KANSL1: variants seen among roughly 807,000 people sequenced by gnomAD.
The protein encoded by KANSL1 is MLL1/MLL complex subunit KANSL1.
In KANSL1, 22 loss-of-function variants were observed where a neutral mutation model predicts 103.6. The ratio of observed to expected loss-of-function variants is 0.21; its 90% CI spans 0.15 to 0.30. The LOEUF is 0.30. Ranked by LOEUF, KANSL1 falls within the 10% of genes least tolerant of loss-of-function variation. The pLI, the probability that KANSL1 is intolerant of heterozygous loss-of-function variation, is 1.00. For missense variants in KANSL1, 1,337 were observed against 1,399.8 expected (o/e 0.96, Z 0.72); for synonymous variants, 600 against 527.6 (o/e 1.14, Z -1.88).
intron 2 of KANSL1, among the ~76,000 whole-genome samples, chr17:46,146,947 T>G (rs917749372): frequency 6.6e-6 from 1 of 152,052 alleles, no homozygotes; most frequent in Non-Finnish European, 1.5e-5. Flanking sequence ...TGCACATCCT[T>G]AGGTAGTTCC....
intron 2 of KANSL1, among the ~76,000 whole-genome samples, chr17:46,153,721 C>T (rs889286298): frequency 6.6e-6 from 1 of 152,106 alleles, no homozygotes; most frequent in African/African-American, 2.4e-5. Context: ...CATTCCATTA[C>T]ATTTGAAGAA....
chr17:46,205,100 AGGTTAT>A (rs2047920848), intron 1 of KANSL1, among the ~76,000 whole-genome samples: 1 of 152,212 alleles, frequency 6.6e-6, no homozygotes, highest in Non-Finnish European at 1.5e-5. Context: ...ACTGCACTGA[AGGTTAT>A]GGCCAGGGCA....
chr17:46,185,716 C>T (rs113227430), intron 1 of KANSL1, among the ~76,000 whole-genome samples: 18,504 of 149,496 alleles, frequency 0.12, 23 homozygotes, highest in Non-Finnish European at 0.19. Context: ...CACACACACA[C>T]ACACACACAC....
At chr17:46,053,116 C>T (rs1413188784) in intron 6 of KANSL1, among the ~76,000 whole-genome samples, 3 of 151,360 alleles carry the variant, frequency 2.0e-5, no homozygotes, top group Non-Finnish European at 2.9e-5. Context: ...GGTGAAACCC[C>T]GTCTCTACTA....
chr17:46,160,466 C>CT (rs1028581933), intron 2 of KANSL1, among the ~76,000 whole-genome samples: 7 of 152,012 alleles, frequency 4.6e-5, no homozygotes, highest in South Asian at 2.1e-4. Flanking sequence ...CGCCTGGCTA[C>CT]TTTTTTTTGT....
chr17:46,047,912 T>A (rs1555737411), intron 7 of KANSL1, among the ~76,000 whole-genome samples: 5 of 87,678 alleles, frequency 5.7e-5, no homozygotes, highest in African/African-American at 2.2e-4. Context: ...CCTTCCCCAC[T>A]CCCCCCGCCA....
At chr17:46,089,566 A>G in intron 3 of KANSL1, among the ~76,000 whole-genome samples, 1 of 102,444 alleles carries the variant, frequency 9.8e-6, no homozygotes, top group East Asian at 2.1e-4. Context: ...GGTTCATCTC[A>G]AAAAAAAAAA....
At chr17:46,033,792 T>C (rs908546084) in intron 11 of KANSL1, among the ~76,000 whole-genome samples, 1 of 152,232 alleles carries the variant, frequency 6.6e-6, no homozygotes, top group Non-Finnish European at 1.5e-5. Flanking sequence ...TGGAAATGCA[T>C]ACCCAGGGTT....
At chr17:46,158,879 CTTGA>C (rs2045580646) in intron 2 of KANSL1, among the ~76,000 whole-genome samples, 1 of 152,334 alleles carries the variant, frequency 6.6e-6, no homozygotes, top group East Asian at 1.9e-4. Context: ...CCAGCAATAG[CTTGA>C]TTAAGCTAAA....
At chr17:46,148,912 A>AC (rs2044897553) in intron 2 of KANSL1, among the ~76,000 whole-genome samples, 1 of 151,522 alleles carries the variant, frequency 6.6e-6, no homozygotes, top group Admixed American at 6.6e-5. Context: ...AAAAAAAAAA[A>AC]AAAATTCCTC....
At chr17:46,191,957 T>A (rs1424287432) in intron 1 of KANSL1, among the ~76,000 whole-genome samples, 1 of 131,388 alleles carries the variant, frequency 7.6e-6, no homozygotes, top group Non-Finnish European at 1.5e-5. Context: ...AGTACAGTTT[T>A]ATTAATAAGT....
At chr17:46,080,312 T>TAAAAAA (rs35520207) in intron 4 of KANSL1, among the ~76,000 whole-genome samples, 4 of 77,776 alleles carry the variant, frequency 5.1e-5, no homozygotes, top group East Asian at 6.1e-4. Flanking sequence ...GAGCCTGTCT[T>TAAAAAA]AAAAAAAAAA....
chr17:46,062,091 CAAAAAAAAAA>C (rs35638067), intron 6 of KANSL1, among the ~76,000 whole-genome samples: 1,784 of 70,168 alleles, frequency 0.025, 39 homozygotes, highest in Admixed American at 0.042. Flanking sequence ...GACTCCGACT[CAAAAAAAAAA>C]AAAAAAAACA....
intron 2 of KANSL1, among the ~76,000 whole-genome samples, chr17:46,108,747 T>C (rs1344496797): frequency 6.6e-6 from 1 of 152,184 alleles, no homozygotes; most frequent in East Asian, 1.9e-4. Flanking sequence ...ACCAAAGTAA[T>C]TCCAGACTGA....
chr17:46,113,867 C>A (rs2042929291), intron 2 of KANSL1, among the ~76,000 whole-genome samples: 1 of 152,126 alleles, frequency 6.6e-6, no homozygotes, highest in South Asian at 2.1e-4. Flanking sequence ...GCCATGAGGC[C>A]AAATCTAAAT....
chr17:46,149,088 C>T (rs1398539593), intron 2 of KANSL1, among the ~76,000 whole-genome samples: 1 of 151,252 alleles, frequency 6.6e-6, no homozygotes, highest in Non-Finnish European at 1.5e-5. Context: ...CTGCAAGCTC[C>T]ACCTCCCGGG....
chr17:46,034,348 T>G (rs2077090810), intron 10 of KANSL1, 63 bp from the exon 11 acceptor site: 1 of 1,579,916 alleles, frequency 6.3e-7, no homozygotes, highest in Non-Finnish European at 8.7e-7. Context: ...ATCATTCATC[T>G]AAGAGTTAAA....
intron 1 of KANSL1, among the ~76,000 whole-genome samples, chr17:46,202,888 AG>A (rs2047848892): frequency 6.6e-6 from 1 of 152,248 alleles, no homozygotes; most frequent in Non-Finnish European, 1.5e-5. Context: ...AACCAGCATC[AG>A]AAAAAATAAA....
At chr17:46,074,994 C>A (rs896612522) in intron 4 of KANSL1, among the ~76,000 whole-genome samples, 1 of 151,972 alleles carries the variant, frequency 6.6e-6, no homozygotes, top group African/African-American at 2.4e-5. Context: ...TGCGTAACCT[C>A]TAATAATGAG....
Sources: gnomAD v4.1 joint callset for allele counts (sites outside exome capture counted in the v4.1 genomes callset) on GRCh38, gnomAD v4.1.1 for gene constraint, MANE v1.5 for transcripts, NCBI Gene and HGNC (gene_info 2026-07-23, HGNC 2026-07-21) for gene names.